The following CCDC149 variants were observed in gnomAD, a reference collection of about 807,000 sequenced individuals.
CCDC149 encodes the protein coiled-coil domain-containing protein 149.
A neutral mutation model predicts 59.9 loss-of-function variants in CCDC149; 45 were observed. That is an observed-to-expected ratio of 0.75 (90% CI 0.59 to 0.96). The LOEUF (loss-of-function observed/expected upper bound fraction) is 0.96. Among genes scored for constraint, CCDC149 ranks in the 40% least tolerant of loss-of-function variants. CCDC149 has a pLI of 0.00. For synonymous variants in CCDC149, 245 were observed against 260.6 expected, an observed-to-expected ratio of 0.94 and a Z score of 0.58; for missense variants, 584 against 664.7, an observed-to-expected ratio of 0.88 and a Z score of 1.33.
At chr4:24,838,500 T>G (rs1716697145) in intron 4 of CCDC149, among the ~76,000 whole-genome samples, 1 of 152,184 alleles carries the variant, frequency 6.6e-6, no homozygotes, top group African/African-American at 2.4e-5. Flanking sequence ...CACTCTAGGC[T>G]GGATGTCTGG....
At chr4:24,876,736 T>C in intron 1 of CCDC149, 39 bp from the exon 2 acceptor site, 1 of 1,557,340 alleles carries the variant, frequency 6.4e-7, no homozygotes, top group South Asian at 1.2e-5. Flanking sequence ...GTCAAAAACA[T>C]CCATGGGCCT....
intron 12 of CCDC149, among the ~76,000 whole-genome samples, chr4:24,809,836 A>C (rs935346798): frequency 2.0e-5 from 3 of 152,312 alleles, no homozygotes; most frequent in African/African-American, 7.2e-5. Context: ...ATATATGCGC[A>C]GGTATGTTTT....
At chr4:24,867,518 T>C (rs1205218349) in intron 3 of CCDC149, among the ~76,000 whole-genome samples, 1 of 152,240 alleles carries the variant, frequency 6.6e-6, no homozygotes, top group Non-Finnish European at 1.5e-5. Flanking sequence ...AGACTAAGAA[T>C]GTGGTATTGT....
At chr4:24,902,670 A>C (rs1042201866) in intron 1 of CCDC149, among the ~76,000 whole-genome samples, 1 of 152,162 alleles carries the variant, frequency 6.6e-6, no homozygotes. Context: ...ATTAGTGTCT[A>C]AGATCTATTG....
At chr4:24,805,779 A>G (rs1184326431), downstream of CCDC149, among the ~76,000 whole-genome samples, 1 of 152,158 alleles carries the variant, frequency 6.6e-6, no homozygotes, top group Non-Finnish European at 1.5e-5. Flanking sequence ...ACACACACAC[A>G]CGTATGTGGG....
chr4:24,876,509 C>T lies in CCDC149; in HGVS notation c.225+27G>A, dbSNP rs1271524679. The stretch of plus-strand genomic sequence containing the variant: ...ATCTTAATTCAGGGAACAGGAAAGT[C>T]GCTGAACAGGGCAGCCTAACACTTA... On this transcript the variant is annotated intron_variant, in intron 2 of 12. Coordinates refer to ENST00000635206, the MANE Select transcript of CCDC149 (RefSeq NM_001330643.2). The T allele has an allele frequency of 7.0e-6, 11 of 1,582,580 alleles. No homozygotes were observed. In the African/African-American group the frequency reaches 9.5e-5, roughly 14 times the overall value.
chr4:24,829,255 G>C (rs1404800722), intron 9 of CCDC149: 1 of 152,534 alleles, frequency 6.6e-6, no homozygotes, highest in African/African-American at 2.4e-5. Flanking sequence ...TTGAGGAGCT[G>C]AAAGGATATC....
At chr4:24,831,675 C>T (rs1261658271) in intron 8 of CCDC149, 25 bp from the exon 9 acceptor site, 4 of 1,601,550 alleles carry the variant, frequency 2.5e-6, no homozygotes, top group Middle Eastern at 1.7e-4. Context: ...AAATGTATAA[C>T]TCAGTCGTCA....
rs1191164533 is a variant in CCDC149 at position 24,821,104 on chromosome 4, G to C, written c.1043-17C>G. The C allele has an allele frequency of 1.6e-6, 2 of 1,227,048 alleles. No individual in the cohort carries two copies. Among genetic ancestry groups the C allele is most frequent in the African/African-American group, 3.1e-5 (2 of 64,230 alleles). The allele number at this position is 1,227,048 out of a possible 1,614,324, so 76.0% of individuals were successfully genotyped here. ...AGCTCAGGCCTTCAGGCAGCAAAAA[G>C]AAAAAAAGGAAATAATTGTTATTGC... On this transcript the variant is annotated splice_polypyrimidine_tract_variant and intron_variant, in intron 10 of 12. Coordinates refer to ENST00000635206, the MANE Select transcript of CCDC149 (RefSeq NM_001330643.2).
At chr4:24,838,115 T>C in intron 5 of CCDC149, 41 bp downstream of exon 5, 1 of 1,445,090 alleles carries the variant, frequency 6.9e-7, no homozygotes, top group Non-Finnish European at 9.8e-7. Flanking sequence ...TGTCCAGCTG[T>C]GCAAATGCAT....
At chr4:24,939,963 A>G (rs1722906124) in intron 1 of CCDC149, among the ~76,000 whole-genome samples, 1 of 152,250 alleles carries the variant, frequency 6.6e-6, no homozygotes, top group Admixed American at 6.5e-5. Context: ...CAAGTTGGAA[A>G]ACACTTTGCA....
At chr4:24,854,440 G>A (rs1717877674) in intron 3 of CCDC149, among the ~76,000 whole-genome samples, 1 of 152,142 alleles carries the variant, frequency 6.6e-6, no homozygotes, top group Admixed American at 6.5e-5. Context: ...AGGAGGGAAG[G>A]AAGCAAGTAA....
chr4:24,817,030 C>T (rs1174300408), intron 12 of CCDC149, among the ~76,000 whole-genome samples: 1 of 152,180 alleles, frequency 6.6e-6, no homozygotes, highest in African/African-American at 2.4e-5. Flanking sequence ...CTTCCTTATT[C>T]CCACCCAGCG....
At chr4:24,810,365 C>A (rs1461143437) in intron 12 of CCDC149, among the ~76,000 whole-genome samples, 1 of 152,132 alleles carries the variant, frequency 6.6e-6, no homozygotes, top group African/African-American at 2.4e-5. Context: ...ATGTATCCAG[C>A]TCAATGAATT....
intron 2 of CCDC149, among the ~76,000 whole-genome samples, chr4:24,876,284 TACACACGTACACACAC>T: frequency 9.6e-6 from 1 of 104,462 alleles, no homozygotes; most frequent in Non-Finnish European, 1.9e-5. Context: ...AGCATATACA[TACACACGTACACACAC>T]ACACACACAC....
In CCDC149 at chr4:24,907,228, C is replaced by A. The variant is rs894394988; in HGVS notation, c.63+5589G>T. Reference sequence around the variant, plus strand: ...ATAAGCATTATTATTTCATTTGATCCTCACAATTAGGATCACCTATGAGGT... The same window carrying A: ...ATAAGCATTATTATTTCATTTGATCATCACAATTAGGATCACCTATGAGGT... On this transcript the variant is annotated intron_variant, in intron 1 of 12. Transcript: ENST00000635206. 3.9e-5 allele frequency among the ~76,000 whole-genome samples: 6 copies of A among 152,290 alleles called. No individual in the cohort carries two copies. In the East Asian group the frequency reaches 1.2e-3, roughly 29 times the overall value.
intron 4 of CCDC149, among the ~76,000 whole-genome samples, chr4:24,839,531 C>G (rs1041241543): frequency 3.3e-5 from 5 of 152,128 alleles, no homozygotes; most frequent in African/African-American, 1.2e-4. Context: ...TCATAATATG[C>G]CTTTATTTAT....
intron 9 of CCDC149, 134 bp downstream of exon 9, chr4:24,831,372 T>C (rs930266639): frequency 8.4e-6 from 7 of 834,986 alleles, no homozygotes; most frequent in African/African-American, 6.9e-5. Flanking sequence ...TCTAGTTTAA[T>C]AAGTTTCCTT....
At chr4:24,977,229 T>C (rs1205825272) in intron 1 of CCDC149, among the ~76,000 whole-genome samples, 3 of 152,156 alleles carry the variant, frequency 2.0e-5, no homozygotes, top group Admixed American at 1.3e-4. Flanking sequence ...CCCCAGGACA[T>C]TGGCTGGAGC....
Sources: gnomAD v4.1 joint callset for allele counts (sites outside exome capture counted in the v4.1 genomes callset) on GRCh38, gnomAD v4.1.1 for gene constraint, MANE v1.5 for transcripts, NCBI Gene and HGNC (gene_info 2026-07-23, HGNC 2026-07-21) for gene names.